Variants in WDFY3 observed in about 807,000 individuals in gnomAD.
The protein encoded by WDFY3 is WD repeat and FYVE domain containing 3.
WDFY3 carries 66 observed loss-of-function variants against 409.6 expected under a neutral mutation model. The ratio of observed to expected loss-of-function variants is 0.16; its 90% confidence interval spans 0.13 to 0.20. The LOEUF (loss-of-function observed/expected upper bound fraction) is 0.20, where lower values mean the gene tolerates loss of function less well. WDFY3 is among the 10% of genes least tolerant of loss of function. The pLI is 1.00. For missense variants in WDFY3, 3,031 were observed against 4,298.1 expected (o/e 0.71, Z 8.24); for synonymous variants, 1,521 against 1,537.1 (o/e 0.99, Z 0.25).
chr4:84,705,069 A>C (rs2148956439), intron 54 of WDFY3, among the ~76,000 whole-genome samples: 1 of 152,292 alleles, frequency 6.6e-6, no homozygotes, highest in East Asian at 1.9e-4. Flanking sequence ...AGAGACAATA[A>C]ATTAAAGTAT....
In WDFY3 at chr4:84,945,611, C is replaced by T. The variant is rs144964574; in HGVS notation, c.-225-13248G>A. Among the ~76,000 whole-genome samples the T allele has an allele frequency of 3.2e-4, 48 of 152,218 alleles. No individual in the cohort carries two copies. In the East Asian group the frequency reaches 9.1e-3, roughly 29 times the overall value. On this transcript the variant is annotated intron_variant, in intron 1 of 67. Transcript: ENST00000295888. ...TTGAAGCTTGACATGCAAGTTGTTG[C>T]GCCACCTGAAACCTTCTGATATTGG...
chr4:84,873,484 C>T (rs1160667399), intron 3 of WDFY3, among the ~76,000 whole-genome samples: 1 of 152,160 alleles, frequency 6.6e-6, no homozygotes. Flanking sequence ...GCAGCAAAAG[C>T]TGTTCTTTGA....
chr4:84,906,084 T>G (rs1400142390), intron 2 of WDFY3, among the ~76,000 whole-genome samples: 1 of 152,210 alleles, frequency 6.6e-6, no homozygotes, highest in Non-Finnish European at 1.5e-5. Flanking sequence ...AGACAGAATA[T>G]GTCTGTTTTG....
At position 84,850,928 on chromosome 4, in the gene WDFY3, G is replaced by GTTTTTTT. The variant is rs869074191; in HGVS notation, c.181-910_181-904dup. ...TTCTTATTTTTAATTTTATTTATCT[G>GTTTTTTT]TTTTTTTTTTTTTTTTTTTTTTTTT... On this transcript the variant is annotated intron_variant, in intron 4 of 67. Transcript: ENST00000295888. 9.5e-4 allele frequency among the ~76,000 whole-genome samples: 44 copies of GTTTTTTT among 46,224 alleles called. 3 individuals are homozygous for GTTTTTTT. Among genetic ancestry groups the GTTTTTTT allele is most frequent in the African/African-American group, 1.3e-3 (14 of 10,814 alleles). The allele number at this position is 46,224 out of a possible 152,430, so 30.3% of individuals were successfully genotyped here.
At chr4:84,817,694 T>C (rs1753503866) in intron 12 of WDFY3, 109 bp from the exon 13 acceptor site, 2 of 1,039,590 alleles carry the variant, frequency 1.9e-6, no homozygotes, top group East Asian at 2.6e-5. Context: ...CTCATAATAA[T>C]GTAAATAAAA....
intron 1 of WDFY3, among the ~76,000 whole-genome samples, chr4:84,950,348 T>C (rs1773448633): frequency 6.6e-6 from 1 of 151,734 alleles, no homozygotes; most frequent in Admixed American, 6.6e-5. Flanking sequence ...CAAACCACCA[T>C]GGCACATGTA....
chr4:84,885,482 C>G (rs1578982014), intron 3 of WDFY3, among the ~76,000 whole-genome samples: 1 of 151,822 alleles, frequency 6.6e-6, no homozygotes, highest in Non-Finnish European at 1.5e-5. Flanking sequence ...TAGAAAGGAA[C>G]ACTGTAAGCC....
chr4:84,943,644 G>A (rs1219839737), intron 1 of WDFY3, among the ~76,000 whole-genome samples: 1 of 152,028 alleles, frequency 6.6e-6, no homozygotes, highest in African/African-American at 2.4e-5. Flanking sequence ...CTACACAGGA[G>A]GTCACTTCCC....
At chr4:84,741,315 A>C (rs1313781496) in intron 38 of WDFY3, among the ~76,000 whole-genome samples, 4 of 149,518 alleles carry the variant, frequency 2.7e-5, no homozygotes, top group Non-Finnish European at 5.9e-5. Context: ...ATCTCTATTC[A>C]GTTTTTTTTT....
At chr4:84,762,157 T>C (rs1014313795) in intron 32 of WDFY3, among the ~76,000 whole-genome samples, 6 of 151,842 alleles carry the variant, frequency 4.0e-5, no homozygotes, top group Non-Finnish European at 1.5e-5. Context: ...TAAAGACACA[T>C]GCACACATAT....
intron 58 of WDFY3, 33 bp downstream of exon 58, chr4:84,695,937 A>T: frequency 1.3e-6 from 2 of 1,578,914 alleles, no homozygotes; most frequent in South Asian, 2.2e-5. Flanking sequence ...AATGAAACAG[A>T]GTACATCAAT....
intron 27 of WDFY3, among the ~76,000 whole-genome samples, chr4:84,776,725 C>T (rs186346561): frequency 6.6e-6 from 1 of 152,092 alleles, no homozygotes; most frequent in Admixed American, 6.5e-5. Flanking sequence ...ATAGTGTTTG[C>T]CTCAAAAATA....
chr4:84,857,753 C>G (rs1759973128), intron 4 of WDFY3, among the ~76,000 whole-genome samples: 1 of 152,152 alleles, frequency 6.6e-6, no homozygotes, highest in Non-Finnish European at 1.5e-5. Context: ...TCATTCTCAG[C>G]AGATAATCTA....
intron 4 of WDFY3, among the ~76,000 whole-genome samples, chr4:84,856,941 G>T (rs1489132494): frequency 6.6e-6 from 1 of 151,990 alleles, no homozygotes; most frequent in Non-Finnish European, 1.5e-5. Context: ...AATAGATATG[G>T]CTATATATTT....
chr4:84,860,664 A>G, intron 3 of WDFY3, 42 bp from the exon 4 acceptor site: 2 of 1,444,698 alleles, frequency 1.4e-6, no homozygotes. Context: ...AAACATCATC[A>G]TCTTGACTAG....
At chr4:84,875,263 A>AACACAC (rs58589086) in intron 3 of WDFY3, among the ~76,000 whole-genome samples, 2,375 of 137,514 alleles carry the variant, frequency 0.017, 25 homozygotes, top group African/African-American at 0.035. Context: ...GCAAGACTCA[A>AACACAC]ACACACACAC....
At position 84,721,478 on chromosome 4, in the gene WDFY3, G is replaced by T. The variant is rs756569305; in HGVS notation, c.7536C>A (p.Gly2512=). 1 of 1,613,272 alleles carries T rather than the reference G, an allele frequency of 6.2e-7. No homozygotes were observed. The change falls in exon 47 of 68, where the codon GGC becomes GGA. Residue 2512 remains glycine, a synonymous_variant. Transcript: ENST00000295888. ...TTTTCTCCTCCTCTTCTATGGAGCT[G>T]CCCTCAGCAATCTGGTCTTGTAGCT... ...QEQLQDQIAE[G]SSIEEEEKTD... is the part of the protein sequence containing the mutation.
In WDFY3 at chr4:84,713,226, C is replaced by T. The variant is rs1273722589; in HGVS notation, c.7975G>A (p.Val2659Met). 6.2e-7 allele frequency: 1 copy of T among 1,614,156 alleles called. No individual in the cohort carries two copies. The change falls in exon 51 of 68, where the codon GTG becomes ATG. Residue 2659 changes from valine to methionine, a missense_variant. Transcript: ENST00000295888. ...TCTGAACTGTCCGTTAGAGATGGCA[C>T]TACAGCCAAAAACCTGAAAAATTTA... is the stretch of plus-strand genomic sequence containing the variant. ...NKVYQRFLAV[V>M]PSLTDSSESV...
At chr4:84,916,201 G>A (rs181855200) in intron 2 of WDFY3, among the ~76,000 whole-genome samples, 4 of 152,170 alleles carry the variant, frequency 2.6e-5, no homozygotes, top group Non-Finnish European at 5.9e-5. Flanking sequence ...GCAAAACACA[G>A]GCAAAAGGTA....
Sources: allele counts gnomAD v4.1 joint callset (sites outside exome capture counted in the v4.1 genomes callset), GRCh38; gene constraint gnomAD v4.1.1; transcripts MANE v1.5; gene names NCBI Gene and HGNC (gene_info 2026-07-23, HGNC 2026-07-21).